Variants in LMNB1 observed in about 807,000 individuals in gnomAD.
LMNB1 encodes lamin B1.
A neutral mutation model predicts 67.1 loss-of-function variants in LMNB1; 23 were observed. That is an observed-to-expected ratio of 0.34 (90% CI 0.25 to 0.49). The LOEUF (loss-of-function observed/expected upper bound fraction) is 0.49, where lower values mean the gene tolerates loss of function less well. Among genes scored for constraint, LMNB1 ranks in the 20% least tolerant of loss-of-function variants. The pLI is 0.99. For synonymous variants in LMNB1, 281 were observed against 282.9 expected (o/e 0.99, Z 0.07); for missense variants, 634 against 746.5 (o/e 0.85, Z 1.76).
At chr5:126,819,338 TTTA>T (rs1455902858) in intron 6 of LMNB1, 196 bp downstream of exon 6, 44 of 479,688 alleles carry the variant, frequency 9.2e-5, no homozygotes, top group African/African-American at 1.9e-5. Context: ...TCTTAGTTTA[TTTA>T]TTATTATTAC....
intron 1 of LMNB1, among the ~76,000 whole-genome samples, chr5:126,788,174 T>C (rs993945913): frequency 1.3e-5 from 2 of 152,022 alleles, no homozygotes; most frequent in Non-Finnish European, 2.9e-5. Flanking sequence ...TAACCGAAAT[T>C]GGTGGGGAAT....
chr5:126,787,469 TGTATATGTTACTTATATATGAA>T (rs1294628065), intron 1 of LMNB1, among the ~76,000 whole-genome samples: 4 of 147,768 alleles, frequency 2.7e-5, no homozygotes, highest in Non-Finnish European at 4.5e-5. Context: ...ATATACTTTA[TGTATATGTTACTTATATATGAA>T]GTATATGTTA....
At chr5:126,824,843 C>G (rs1205697131) in intron 8 of LMNB1, among the ~76,000 whole-genome samples, 1 of 117,570 alleles carries the variant, frequency 8.5e-6, no homozygotes, top group Non-Finnish European at 1.7e-5. Flanking sequence ...GTTTCCACCC[C>G]ACCCCCCCAC....
At chr5:126,784,151 A>G (rs1257948226) in intron 1 of LMNB1, among the ~76,000 whole-genome samples, 3 of 146,376 alleles carry the variant, frequency 2.0e-5, no homozygotes, top group South Asian at 2.2e-4. Flanking sequence ...CAGCCTCCCA[A>G]GTAGCTGGGA....
chr5:126,821,138 A>C lies in LMNB1; in HGVS notation c.1386+3A>C. 1 of 1,589,426 alleles carries C rather than the reference A, an allele frequency of 6.3e-7. No homozygotes were observed. Among genetic ancestry groups the C allele is most frequent in the Non-Finnish European group, 8.6e-7 (1 of 1,157,792 alleles). On this transcript the variant is annotated splice_donor_region_variant and intron_variant, in intron 7 of 10. Transcript: ENST00000261366. ...GCTTGAAGAACACTTCTGAACAGGT[A>C]ATAAAATAGACCCTTTTTTTTCTAG...
chr5:126,818,457 G>T (rs1461207243), intron 5 of LMNB1, among the ~76,000 whole-genome samples: 3 of 152,150 alleles, frequency 2.0e-5, no homozygotes, highest in East Asian at 1.9e-4. Context: ...AGTCAGGCTG[G>T]TCTCAAACTC....
At chr5:126,833,136 T>C (rs1752173028) in intron 10 of LMNB1, among the ~76,000 whole-genome samples, 1 of 152,244 alleles carries the variant, frequency 6.6e-6, no homozygotes, top group Admixed American at 6.5e-5. Context: ...GATTAAAAGG[T>C]TTAGATCACT....
Position 126,777,455 on chromosome 5 carries a change from C to G in LMNB1, c.-54C>G. 7 of 1,289,164 alleles carry G rather than the reference C, an allele frequency of 5.4e-6. No homozygotes were observed. Among genetic ancestry groups the G allele is most frequent in the Non-Finnish European group, 6.8e-6 (7 of 1,023,002 alleles). The allele number at this position is 1,289,164 out of a possible 1,614,324, so 79.9% of individuals were successfully genotyped here. A position where few individuals can be genotyped will look rare whatever the true frequency, so the allele number is the denominator to read the frequency against. On this transcript the variant is annotated 5_prime_UTR_variant, in exon 1 of 11. Transcript: ENST00000261366. ...CCCGCTTCGCCCCCTGCCGTCCCCT[C>G]CTTATCACGGTCCCGCTCGCGGCCT...
intron 1 of LMNB1, among the ~76,000 whole-genome samples, chr5:126,798,762 A>AGTGTGT (rs71665643): frequency 0.049 from 7,248 of 149,150 alleles, 198 homozygotes; most frequent in Non-Finnish European, 0.059. Context: ...AAAAAAGAGA[A>AGTGTGT]GTGTGTGTGT....
intron 9 of LMNB1, among the ~76,000 whole-genome samples, chr5:126,828,498 T>C (rs1490905653): frequency 6.6e-6 from 1 of 152,156 alleles, no homozygotes; most frequent in Admixed American, 6.5e-5. Flanking sequence ...TTAGTAAAGC[T>C]AACTGAAGCT....
intron 5 of LMNB1, among the ~76,000 whole-genome samples, chr5:126,814,250 C>T (rs1389941094): frequency 6.6e-6 from 1 of 152,184 alleles, no homozygotes; most frequent in East Asian, 1.9e-4. Context: ...TGTTCTTGTA[C>T]TGAGTTGGCA....
At chr5:126,785,309 T>C (rs949222861) in intron 1 of LMNB1, among the ~76,000 whole-genome samples, 1 of 138,952 alleles carries the variant, frequency 7.2e-6, no homozygotes, top group African/African-American at 2.7e-5. Context: ...TTTTTTTTTT[T>C]AATAACTGAG....
chr5:126,777,890 G>T, intron 1 of LMNB1, 23 bp downstream of exon 1: 1 of 1,382,996 alleles, frequency 7.2e-7, no homozygotes, highest in Non-Finnish European at 9.3e-7. Context: ...TGGCGGCCGC[G>T]TTAGCGCCAA....
intron 7 of LMNB1, among the ~76,000 whole-genome samples, chr5:126,822,216 C>G (rs1004017839): frequency 2.0e-5 from 3 of 152,166 alleles, no homozygotes; most frequent in Non-Finnish European, 4.4e-5. Context: ...TCTCCAACTC[C>G]TGACCTCAGG....
At chr5:126,788,832 T>G (rs919278438) in intron 1 of LMNB1, among the ~76,000 whole-genome samples, 1 of 152,068 alleles carries the variant, frequency 6.6e-6, no homozygotes, top group African/African-American at 2.4e-5. Context: ...AGGAAAAAGA[T>G]TATGAGTTTA....
At chr5:126,789,173 C>T (rs1437173569) in intron 1 of LMNB1, among the ~76,000 whole-genome samples, 1 of 152,032 alleles carries the variant, frequency 6.6e-6, no homozygotes, top group Non-Finnish European at 1.5e-5. Flanking sequence ...AGGTGTGAGC[C>T]ACTGTGTCTG....
At chr5:126,811,641 C>G in intron 4 of LMNB1, 132 bp from the exon 5 acceptor site, 3 of 715,396 alleles carry the variant, frequency 4.2e-6, no homozygotes, top group Non-Finnish European at 6.8e-6. Context: ...CAGCAAACTT[C>G]ATGATGCTTT....
chr5:126,793,732 C>T (rs72798253), intron 1 of LMNB1, among the ~76,000 whole-genome samples: 8,419 of 151,902 alleles, frequency 0.055, 260 homozygotes, highest in Middle Eastern at 0.095. Flanking sequence ...AAAAATTAGC[C>T]GAATGTAGTG....
At chr5:126,788,975 A>C (rs746243749) in intron 1 of LMNB1, among the ~76,000 whole-genome samples, 3 of 151,180 alleles carry the variant, frequency 2.0e-5, no homozygotes, top group Non-Finnish European at 2.9e-5. Flanking sequence ...GGTTCACTAT[A>C]ACCTGGACCT....
Sources: allele counts gnomAD v4.1 joint callset (sites outside exome capture counted in the v4.1 genomes callset), GRCh38; gene constraint gnomAD v4.1.1; transcripts MANE v1.5; gene names NCBI Gene and HGNC (gene_info 2026-07-23, HGNC 2026-07-21).